MOK: variants seen among roughly 807,000 people sequenced by gnomAD.
MOK encodes the protein MOK protein kinase, also known as MAPK/MAK/MRK overlapping kinase.
A neutral mutation model predicts 54.2 loss-of-function variants in MOK; 59 were observed. The observed-to-expected ratio is 1.09, with a 90% CI of 0.88 to 1.35. The LOEUF (loss-of-function observed/expected upper bound fraction) is 1.35, where lower values mean the gene tolerates loss of function less well. Ranked by LOEUF, MOK falls within the 40% of genes most tolerant of loss-of-function variation. The pLI is 0.00. For missense variants in MOK, 517 were observed against 526.2 expected, an observed-to-expected ratio of 0.98 and a Z score of 0.17; for synonymous variants, 210 against 202.7, an observed-to-expected ratio of 1.04 and a Z score of -0.31.
At chr14:102,242,179 A>C (rs932060647) in intron 7 of MOK, among the ~76,000 whole-genome samples, 6 of 152,154 alleles carry the variant, frequency 3.9e-5, no homozygotes, top group Admixed American at 3.3e-4. Flanking sequence ...GTGGAGGGTA[A>C]GTCCATCCCC....
chr14:102,268,323 A>G (rs2068071048), intron 2 of MOK, among the ~76,000 whole-genome samples: 1 of 152,142 alleles, frequency 6.6e-6, no homozygotes, highest in Non-Finnish European at 1.5e-5. Flanking sequence ...TTCAAATAAC[A>G]GTGCTTAATA....
downstream of MOK, among the ~76,000 whole-genome samples, chr14:102,226,948 G>A (rs546996433): frequency 7.2e-5 from 11 of 152,192 alleles, no homozygotes; most frequent in Non-Finnish European, 1.2e-4. This position sits in a 1 kb window ranked among gnomAD's most constrained non-coding sequence, Gnocchi z 4.8. Flanking sequence ...GAGCGTTTAC[G>A]CCCGAGTCTA....
chr14:102,254,023 C>T (rs1240963698), intron 4 of MOK, among the ~76,000 whole-genome samples: 4 of 151,332 alleles, frequency 2.6e-5, no homozygotes, highest in East Asian at 1.9e-4. Flanking sequence ...GTAGCACTGT[C>T]GCCCAGGCTG....
At chr14:102,218,393 G>A in the MOK span, among the ~76,000 whole-genome samples, 1 of 152,210 alleles carries the variant, frequency 6.6e-6, no homozygotes, top group Admixed American at 6.5e-5. Flanking sequence ...AGAGCTAGGA[G>A]ACCGTCCAGG....
chr14:102,298,046 T>C (rs2071651252), intron 1 of MOK, among the ~76,000 whole-genome samples: 1 of 152,100 alleles, frequency 6.6e-6, no homozygotes. Context: ...CCCAGTCCCA[T>C]CAACTGCCCA....
chr14:102,299,001 T>G (rs900665654), intron 1 of MOK, among the ~76,000 whole-genome samples: 3 of 151,976 alleles, frequency 2.0e-5, no homozygotes, highest in African/African-American at 7.3e-5. Flanking sequence ...TCTCAACACA[T>G]CTGAACTTCA....
downstream of MOK, among the ~76,000 whole-genome samples, chr14:102,227,329 G>A (rs1274303368): frequency 1.4e-5 from 2 of 140,064 alleles, no homozygotes; most frequent in African/African-American, 5.5e-5. Context: ...CCTGCGCGCC[G>A]CCCCCCCTAC....
chr14:102,249,138 G>A lies in MOK; in HGVS notation c.590+1674C>T, dbSNP rs73347437. ...GGAGGCTCCACTCTCCCTTGTGCTT[G>A]ACCTTTTGTTTCCACTTTACCAATA... On this transcript the variant is annotated intron_variant, in intron 7 of 11. Coordinates refer to ENST00000361847, the MANE Select transcript of MOK (RefSeq NM_014226.3). The surrounding 1 kb of genome is among the most constrained non-coding windows in gnomAD (Gnocchi z 5.3). 0.026 allele frequency among the ~76,000 whole-genome samples: 3,887 copies of A among 152,092 alleles called. 157 individuals are homozygous for A. The highest frequency in any genetic ancestry group is 0.09 in the African/African-American group (3,712 of 41,410).
At chr14:102,241,304 T>C (rs576677836) in intron 7 of MOK, among the ~76,000 whole-genome samples, 1 of 152,266 alleles carries the variant, frequency 6.6e-6, no homozygotes, top group South Asian at 2.1e-4. Context: ...CAGGTCTCAA[T>C]TCTTCCTCAG....
At chr14:102,259,236 A>C (rs1360728974) in intron 4 of MOK, among the ~76,000 whole-genome samples, 3 of 152,138 alleles carry the variant, frequency 2.0e-5, no homozygotes, top group Admixed American at 6.5e-5. Flanking sequence ...CTTATTCTTT[A>C]GTCTTTAATA....
intron 2 of MOK, among the ~76,000 whole-genome samples, chr14:102,282,065 A>G (rs1326522541): frequency 6.6e-6 from 1 of 152,196 alleles, no homozygotes; most frequent in African/African-American, 2.4e-5. Context: ...ACCTATCCTC[A>G]TATATGAAAC....
chr14:102,280,810 C>A (rs1344016673), intron 2 of MOK: 1 of 152,212 alleles, frequency 6.6e-6, no homozygotes, highest in Non-Finnish European at 1.5e-5. Context: ...CGTAACCACA[C>A]AATCTTCCCA....
intron 1 of MOK, among the ~76,000 whole-genome samples, chr14:102,298,448 C>T (rs1295809547): frequency 6.6e-6 from 1 of 152,024 alleles, no homozygotes; most frequent in Non-Finnish European, 1.5e-5. Flanking sequence ...TTTGTAAACA[C>T]ACCAATCAGC....
intron 4 of MOK, among the ~76,000 whole-genome samples, chr14:102,252,564 T>G (rs2066618396): frequency 6.6e-6 from 1 of 152,194 alleles, no homozygotes; most frequent in South Asian, 2.1e-4. Flanking sequence ...TATAGAGGCT[T>G]CTTTTACATC....
intron 7 of MOK, among the ~76,000 whole-genome samples, chr14:102,239,945 G>C (rs531614210): frequency 2.4e-4 from 37 of 152,086 alleles, no homozygotes; most frequent in Non-Finnish European, 4.1e-4. Context: ...GCCCTTTCCA[G>C]GTCATCCTTA....
intron 4 of MOK, among the ~76,000 whole-genome samples, chr14:102,256,257 C>T (rs956112359): frequency 2.0e-5 from 3 of 151,842 alleles, no homozygotes; most frequent in Non-Finnish European, 4.4e-5. Context: ...CCACCACACC[C>T]GGATGCTTTT....
chr14:102,252,273 G>GTTTC (rs2066593340), intron 4 of MOK, among the ~76,000 whole-genome samples: 1 of 152,006 alleles, frequency 6.6e-6, no homozygotes. Context: ...TGGCCAAAAT[G>GTTTC]GTGAAACCCC....
At chr14:102,283,938 G>A (rs2069748178) in intron 1 of MOK, among the ~76,000 whole-genome samples, 1 of 152,136 alleles carries the variant, frequency 6.6e-6, no homozygotes, top group Admixed American at 6.5e-5. Context: ...TTAGGCTCTG[G>A]GCTGATGTCA....
intron 10 of MOK, 109 bp from the exon 11 acceptor site, chr14:102,229,766 G>T: frequency 1.9e-6 from 2 of 1,029,120 alleles, no homozygotes; most frequent in Non-Finnish European, 1.4e-6. Context: ...ACAATTTCTT[G>T]ACCATAAGAT....
Sources: gnomAD v4.1 joint callset for allele counts (sites outside exome capture counted in the v4.1 genomes callset) on GRCh38, gnomAD v4.1.1 for gene constraint, Gnocchi (gnomAD v3.1) non-coding constraint, MANE v1.5 for transcripts, NCBI Gene and HGNC (gene_info 2026-07-23, HGNC 2026-07-21) for gene names.